BMERB1: variants seen among roughly 807,000 people sequenced by gnomAD.
BMERB1 encodes the protein bMERB domain containing 1.
BMERB1 carries 12 observed loss-of-function variants against 23.6 expected under a neutral mutation model. The ratio of observed to expected loss-of-function variants is 0.51; its 90% CI spans 0.33 to 0.82. BMERB1 has a LOEUF of 0.82. Among genes scored for constraint, BMERB1 ranks in the 40% least tolerant of loss-of-function variants. The probability of loss-of-function intolerance (pLI) is 0.03; values close to 1 mark genes in which losing one functional copy is unlikely to be tolerated. For missense variants in BMERB1, 247 were observed against 255.4 expected (o/e 0.97, Z 0.22); for synonymous variants, 122 against 96.6 (o/e 1.26, Z -1.54).
At chr16:15,499,749 G>A (rs909988708) in intron 1 of BMERB1, among the ~76,000 whole-genome samples, 21 of 152,174 alleles carry the variant, frequency 1.4e-4, no homozygotes, top group African/African-American at 4.3e-4. Context: ...GTTGTTCAGA[G>A]CATTTGGAAG....
chr16:15,451,583 G>A lies in BMERB1; in HGVS notation c.106+16824G>A, dbSNP rs1205782142. On this transcript the variant is annotated intron_variant, in intron 1 of 5. Coordinates refer to ENST00000300006, the MANE Select transcript of BMERB1 (RefSeq NM_033201.3). ...TTTTTTTTTTTTTTTTTTTGAGACA[G>A]GAGCTCACTCTGTTACCGAGGCCAG... 4.7e-5 allele frequency among the ~76,000 whole-genome samples: 6 copies of A among 127,706 alleles called. No individual in the cohort carries two copies. The South Asian group carries it at 1.5e-3, about 32-fold the overall frequency. 83.8% of individuals were successfully genotyped at this position (127,706 alleles called of 152,430 possible). A position where few individuals can be genotyped will look rare whatever the true frequency, so the allele number is the denominator to read the frequency against.
At chr16:15,488,346 A>C (rs1250996088) in intron 1 of BMERB1, among the ~76,000 whole-genome samples, 1 of 152,180 alleles carries the variant, frequency 6.6e-6, no homozygotes, top group Non-Finnish European at 1.5e-5. Context: ...CAGGCTGCAC[A>C]AAAAGAAGTG....
Position 15,465,353 on chromosome 16 carries a change from A to ATT in BMERB1, c.106+30610_106+30611dup, listed in dbSNP as rs4012914. Among the ~76,000 whole-genome samples, 232 of 133,464 alleles carry ATT rather than the reference A, an allele frequency of 1.7e-3. 1 individual carries two copies. The highest frequency in any genetic ancestry group is 3.5e-3 in the South Asian group (15 of 4,266). The allele number at this position is 133,464 out of a possible 152,430, so 87.6% of individuals were successfully genotyped here. Reference sequence around the variant, plus strand: ...AAATTTGGTCAATGCTAAGATATATATTTTTTTTTTTTTTTTTGAGACTGG... The same window carrying ATT: ...AAATTTGGTCAATGCTAAGATATATATTTTTTTTTTTTTTTTTTTGAGACTGG... On this transcript the variant is annotated intron_variant, in intron 1 of 5. Coordinates refer to ENST00000300006, the MANE Select transcript of BMERB1 (RefSeq NM_033201.3).
At chr16:15,469,847 A>G (rs1386093666) in intron 1 of BMERB1, among the ~76,000 whole-genome samples, 1 of 152,192 alleles carries the variant, frequency 6.6e-6, no homozygotes, top group East Asian at 1.9e-4. Flanking sequence ...GATCTTGCAA[A>G]CTTTCTAAAC....
At chr16:15,494,597 C>T (rs962617676) in intron 1 of BMERB1, among the ~76,000 whole-genome samples, 1 of 152,082 alleles carries the variant, frequency 6.6e-6, no homozygotes, top group East Asian at 1.9e-4. Flanking sequence ...TTGTGAATAT[C>T]CTTAATGTGA....
chr16:15,510,268 G>A (rs1031377114), intron 1 of BMERB1, among the ~76,000 whole-genome samples: 3 of 152,044 alleles, frequency 2.0e-5, no homozygotes, highest in African/African-American at 7.2e-5. Context: ...GGGGGGTGTC[G>A]GACTTAGAAC....
chr16:15,555,074 C>G (rs566590938), intron 2 of BMERB1, among the ~76,000 whole-genome samples: 1 of 152,118 alleles, frequency 6.6e-6, no homozygotes, highest in African/African-American at 2.4e-5. Context: ...TGGAAACCCA[C>G]GTCAAGAAAA....
intron 2 of BMERB1, among the ~76,000 whole-genome samples, chr16:15,543,004 C>T (rs2052100817): frequency 6.6e-6 from 1 of 152,142 alleles, no homozygotes; most frequent in Admixed American, 6.5e-5. Flanking sequence ...CTTTTACACC[C>T]TGCCCTCTTG....
intron 1 of BMERB1, among the ~76,000 whole-genome samples, chr16:15,448,536 G>A (rs1318437752): frequency 6.6e-6 from 1 of 152,208 alleles, no homozygotes; most frequent in African/African-American, 2.4e-5. Flanking sequence ...GCTTACGCCT[G>A]TATTTGCAGC....
chr16:15,443,623 A>C, intron 1 of BMERB1, among the ~76,000 whole-genome samples: 1 of 151,980 alleles, frequency 6.6e-6, no homozygotes, highest in Non-Finnish European at 1.5e-5. Flanking sequence ...GCTAAATGAA[A>C]AGTACAAGTG....
At chr16:15,436,851 T>G (rs7404843) in intron 1 of BMERB1, among the ~76,000 whole-genome samples, 132,793 of 151,774 alleles carry the variant, frequency 0.87, 58,409 homozygotes, top group Middle Eastern at 0.94. Flanking sequence ...TTTAGTCCCC[T>G]CAACAACCTC....
intron 2 of BMERB1, among the ~76,000 whole-genome samples, chr16:15,518,213 C>A (rs1315860492): frequency 2.6e-5 from 4 of 152,140 alleles, no homozygotes; most frequent in African/African-American, 7.2e-5. Flanking sequence ...CACTTAGGGA[C>A]AAATGTCAAC....
At chr16:15,545,230 C>T (rs967169081) in intron 2 of BMERB1, among the ~76,000 whole-genome samples, 3 of 152,120 alleles carry the variant, frequency 2.0e-5, no homozygotes, top group Non-Finnish European at 4.4e-5. Flanking sequence ...GCCTCGGCCT[C>T]CCAAAGTGCT....
At chr16:15,498,617 AAAG>A (rs1172402253) in intron 1 of BMERB1, among the ~76,000 whole-genome samples, 1 of 151,774 alleles carries the variant, frequency 6.6e-6, no homozygotes, top group South Asian at 2.1e-4. Flanking sequence ...AGGAAGGAAA[AAAG>A]AAAGAGAAAG....
At chr16:15,583,944 T>G (rs1596405609) in intron 5 of BMERB1, 2 of 694,212 alleles carry the variant, frequency 2.9e-6, no homozygotes, top group Non-Finnish European at 5.2e-6. Flanking sequence ...TTGCAAAGTT[T>G]GGTGCATTTC....
chr16:15,542,497 A>G (rs1379960758), intron 2 of BMERB1, among the ~76,000 whole-genome samples: 2 of 152,130 alleles, frequency 1.3e-5, no homozygotes, highest in South Asian at 2.1e-4. Context: ...GGGGATTGCT[A>G]TGGATAACAA....
At chr16:15,554,166 A>T (rs79727207) in intron 2 of BMERB1, among the ~76,000 whole-genome samples, 2,339 of 152,110 alleles carry the variant, frequency 0.015, 63 homozygotes, top group African/African-American at 0.053. Flanking sequence ...CTTCTCCCAG[A>T]CTATCCTGAT....
At chr16:15,454,198 A>C (rs970930046) in intron 1 of BMERB1, among the ~76,000 whole-genome samples, 5 of 152,200 alleles carry the variant, frequency 3.3e-5, no homozygotes, top group Non-Finnish European at 7.3e-5. Flanking sequence ...ATTAAGAGAA[A>C]ATAATGTTGG....
chr16:15,468,935 C>G (rs1480168647), intron 1 of BMERB1, among the ~76,000 whole-genome samples: 1 of 147,146 alleles, frequency 6.8e-6, no homozygotes, highest in African/African-American at 2.5e-5. Context: ...GTTGAAAAGG[C>G]TTGACTTCCT....
Sources: gnomAD v4.1 joint callset for allele counts (sites outside exome capture counted in the v4.1 genomes callset) on GRCh38, gnomAD v4.1.1 for gene constraint, MANE v1.5 for transcripts, NCBI Gene and HGNC (gene_info 2026-07-23, HGNC 2026-07-21) for gene names.